The following PLCL1 variants were observed in gnomAD, a reference collection of about 807,000 sequenced individuals.
The protein encoded by PLCL1 is inactive phospholipase C-like protein 1.
A neutral mutation model predicts 84.4 loss-of-function variants in PLCL1; 41 were observed. That is an observed-to-expected ratio of 0.49 (90% CI 0.38 to 0.63). The LOEUF is 0.63. Among genes scored for constraint, PLCL1 ranks in the 30% least tolerant of loss-of-function variants. PLCL1 has a pLI of 0.00. For missense variants in PLCL1, 1,206 were observed against 1,367.8 expected (o/e 0.88, Z 1.87); for synonymous variants, 490 against 488.3 (o/e 1.00, Z -0.05).
intron 1 of PLCL1, among the ~76,000 whole-genome samples, chr2:197,895,405 A>G (rs1688116012): frequency 6.6e-6 from 1 of 151,962 alleles, no homozygotes; most frequent in Non-Finnish European, 1.5e-5. Flanking sequence ...TCTTTTTGTT[A>G]TATATTTTAC....
intron 5 of PLCL1, 121 bp from the exon 6 acceptor site, chr2:198,146,659 C>A: frequency 1.4e-6 from 1 of 724,624 alleles, no homozygotes; most frequent in Non-Finnish European, 2.1e-6. Flanking sequence ...GAAAAGTGAG[C>A]TTGCAGGTCT....
rs370625574 is a variant in PLCL1, at chr2:198,084,699, G to C, written c.1182G>C (p.Lys394Asn). The C allele has an allele frequency of 6.2e-7, 1 of 1,613,828 alleles. No individual in the cohort carries two copies. Among genetic ancestry groups the C allele is most frequent in the Non-Finnish European group, 8.5e-7 (1 of 1,179,864 alleles). Reference sequence around the variant, plus strand: ...GTGACATTTTTGATCCTGAGCAAAAGAAGGTTGCCCAAGATATGACCCAGC... The same window carrying C: ...GTGACATTTTTGATCCTGAGCAAAACAAGGTTGCCCAAGATATGACCCAGC... The part of the protein sequence containing the change: ...SECDIFDPEQ[K>N]KVAQDMTQPL... Residue 394 changes from lysine to asparagine, a missense_variant, in exon 2 of 6, where the codon AAG becomes AAC. Transcript: ENST00000428675.
At chr2:197,908,459 C>A (rs552723563) in intron 1 of PLCL1, among the ~76,000 whole-genome samples, 26 of 152,314 alleles carry the variant, frequency 1.7e-4, no homozygotes, top group South Asian at 4.1e-4. Context: ...GTCCAGTGAT[C>A]CTTTTGATGT....
At chr2:197,940,708 T>A (rs898952676) in intron 1 of PLCL1, among the ~76,000 whole-genome samples, 2 of 152,236 alleles carry the variant, frequency 1.3e-5, no homozygotes, top group African/African-American at 2.4e-5. Context: ...GGAAACAGTA[T>A]TATTATTTCA....
chr2:197,936,811 T>C (rs527520307), intron 1 of PLCL1, among the ~76,000 whole-genome samples: 1 of 152,074 alleles, frequency 6.6e-6, no homozygotes, highest in Non-Finnish European at 1.5e-5. Flanking sequence ...GTGCTTAAGG[T>C]TTTTTGCTTG....
At chr2:197,985,689 T>A (rs1467904889) in intron 1 of PLCL1, among the ~76,000 whole-genome samples, 3 of 152,232 alleles carry the variant, frequency 2.0e-5, no homozygotes, top group Non-Finnish European at 4.4e-5. Context: ...GCTTTCATGC[T>A]ATCATGGCAG....
chr2:197,845,504 C>G (rs1352140871), intron 1 of PLCL1, among the ~76,000 whole-genome samples: 1 of 152,116 alleles, frequency 6.6e-6, no homozygotes, highest in African/African-American at 2.4e-5. Context: ...AAAAGATTCA[C>G]TGGTGTGGAG....
chr2:197,899,097 G>A (rs1688213573), intron 1 of PLCL1, among the ~76,000 whole-genome samples: 1 of 152,076 alleles, frequency 6.6e-6, no homozygotes, highest in Admixed American at 6.5e-5. Flanking sequence ...CCAGACACTG[G>A]GAATAGTGTT....
At chr2:197,854,861 C>T (rs531815414) in intron 1 of PLCL1, among the ~76,000 whole-genome samples, 1 of 152,148 alleles carries the variant, frequency 6.6e-6, no homozygotes, top group East Asian at 1.9e-4. Flanking sequence ...ATGCTTTCCC[C>T]TCCCCCATGC....
At chr2:198,056,301 A>G (rs747861371) in intron 1 of PLCL1, among the ~76,000 whole-genome samples, 16 of 152,272 alleles carry the variant, frequency 1.1e-4, no homozygotes, top group Non-Finnish European at 1.9e-4. Context: ...TACAATATCA[A>G]GTTGTTCCCC....
chr2:197,962,125 C>T (rs976518070), intron 1 of PLCL1, among the ~76,000 whole-genome samples: 2 of 151,982 alleles, frequency 1.3e-5, no homozygotes, highest in African/African-American at 4.8e-5. Context: ...TATCTTAACT[C>T]TTATCCTCCT....
At chr2:197,952,999 T>C (rs765962163) in intron 1 of PLCL1, among the ~76,000 whole-genome samples, 2 of 152,140 alleles carry the variant, frequency 1.3e-5, no homozygotes, top group Admixed American at 6.6e-5. Flanking sequence ...CATGCCTTCA[T>C]GCACTGTAAG....
intron 1 of PLCL1, among the ~76,000 whole-genome samples, chr2:197,908,785 T>C (rs771905951): frequency 1.3e-5 from 2 of 152,360 alleles, no homozygotes; most frequent in Non-Finnish European, 2.9e-5. Context: ...AATAATGCTC[T>C]TCTTTTTTCT....
intron 1 of PLCL1, among the ~76,000 whole-genome samples, chr2:197,980,426 C>T (rs996432186): frequency 1.3e-5 from 2 of 152,188 alleles, no homozygotes; most frequent in African/African-American, 4.8e-5. Context: ...TGTTCCGTAT[C>T]ATATTGTATA....
chr2:197,842,409 ACT>A (rs1168513878), intron 1 of PLCL1, among the ~76,000 whole-genome samples: 1 of 151,354 alleles, frequency 6.6e-6, no homozygotes, highest in African/African-American at 2.4e-5. Flanking sequence ...GACCTCCAGG[ACT>A]CTCTCACACT....
chr2:197,892,143 G>A (rs1164088904), intron 1 of PLCL1, among the ~76,000 whole-genome samples: 2 of 152,198 alleles, frequency 1.3e-5, no homozygotes, highest in African/African-American at 4.8e-5. Context: ...TCAATGCAGA[G>A]CCAACCAATA....
intron 5 of PLCL1, among the ~76,000 whole-genome samples, chr2:198,122,444 T>A (rs972909271): frequency 1.2e-4 from 19 of 152,198 alleles, no homozygotes; most frequent in Admixed American, 3.3e-4. Flanking sequence ...ACTGCCAATC[T>A]TTAAGTATTT....
intron 1 of PLCL1, among the ~76,000 whole-genome samples, chr2:197,909,490 TG>T (rs1688444056): frequency 6.6e-6 from 1 of 152,080 alleles, no homozygotes; most frequent in Admixed American, 6.5e-5. Context: ...GGCACATCTG[TG>T]GGTGGCAATT....
At chr2:197,852,575 T>C (rs1407000192) in intron 1 of PLCL1, among the ~76,000 whole-genome samples, 1 of 152,236 alleles carries the variant, frequency 6.6e-6, no homozygotes, top group Non-Finnish European at 1.5e-5. Context: ...ATTGCTTCTG[T>C]CATTTAACAT....
Sources: allele counts gnomAD v4.1 joint callset (sites outside exome capture counted in the v4.1 genomes callset), GRCh38; gene constraint gnomAD v4.1.1; transcripts MANE v1.5; gene names NCBI Gene and HGNC (gene_info 2026-07-23, HGNC 2026-07-21).